MRTFB: variants seen among roughly 807,000 people sequenced by gnomAD.
MRTFB encodes the protein myocardin related transcription factor B, also known as myocardin-related transcription factor B.
Under a neutral mutation model 104.2 loss-of-function variants are expected in MRTFB, and 29 were observed. The observed-to-expected ratio is 0.28, with a 90% CI of 0.21 to 0.38. The LOEUF is 0.38. Among genes scored for constraint, MRTFB ranks in the 10% least tolerant of loss-of-function variants. MRTFB has a pLI of 1.00. For synonymous variants in MRTFB, 535 were observed against 519.5 expected (o/e 1.03, Z -0.41); for missense variants, 1,270 against 1,341.6 (o/e 0.95, Z 0.83).
intron 13 of MRTFB, among the ~76,000 whole-genome samples, chr16:14,251,246 G>A (rs142233621): frequency 0.02 from 2,979 of 151,918 alleles, 112 homozygotes; most frequent in African/African-American, 0.068. Flanking sequence ...GTGTGGTGGC[G>A]GGCGCCTGTA....
chr16:14,058,108 T>C, the MRTFB span, among the ~76,000 whole-genome samples: 1 of 152,298 alleles, frequency 6.6e-6, no homozygotes, highest in Non-Finnish European at 1.5e-5. Flanking sequence ...CTGGATGGAA[T>C]GGGCTTGGCA....
upstream of MRTFB, among the ~76,000 whole-genome samples, chr16:14,069,371 C>T (rs998982278): frequency 1.3e-5 from 2 of 152,232 alleles, no homozygotes; most frequent in African/African-American, 4.8e-5. Flanking sequence ...TTCCCTGGTT[C>T]TCGGGCCACA....
At chr16:14,074,716 A>C (rs60788707) in intron 1 of MRTFB, among the ~76,000 whole-genome samples, 1 of 152,082 alleles carries the variant, frequency 6.6e-6, no homozygotes, top group Non-Finnish European at 1.5e-5. Context: ...ATGATTAATG[A>C]TTAACACCAA....
At chr16:14,200,283 T>G in intron 3 of MRTFB, 2 of 1,569,106 alleles carry the variant, frequency 1.3e-6, no homozygotes, top group Non-Finnish European at 1.8e-6. Context: ...AGAGCTAGAT[T>G]CTGAGTTCCG....
At chr16:14,257,810 A>C (rs2043567705) in intron 15 of MRTFB, among the ~76,000 whole-genome samples, 1 of 152,198 alleles carries the variant, frequency 6.6e-6, no homozygotes. Context: ...GAATAAAGAC[A>C]CTTTTAAAAT....
At chr16:14,019,331 C>T in the MRTFB span, 1 of 152,152 alleles carries the variant, frequency 6.6e-6, no homozygotes, top group East Asian at 1.9e-4. Flanking sequence ...GGTATTACTA[C>T]TTAGCTGGTG....
At chr16:14,089,012 GA>G (rs934125691) in intron 2 of MRTFB, among the ~76,000 whole-genome samples, 2 of 152,076 alleles carry the variant, frequency 1.3e-5, no homozygotes, top group African/African-American at 4.8e-5. Flanking sequence ...TTATTGGTAG[GA>G]AAATAAATTA....
chr16:14,162,382 T>A (rs1234368908), intron 3 of MRTFB, among the ~76,000 whole-genome samples: 1 of 152,080 alleles, frequency 6.6e-6, no homozygotes, highest in Non-Finnish European at 1.5e-5. Context: ...TATATGACAT[T>A]ACTGTGTTTT....
intron 3 of MRTFB, chr16:14,148,622 G>A (rs570213004): frequency 2.6e-5 from 4 of 152,680 alleles, no homozygotes; most frequent in South Asian, 4.2e-4. Flanking sequence ...TAATCCGTAC[G>A]TTGGCTCTCC....
At chr16:14,122,361 T>G (rs2036894376) in intron 2 of MRTFB, among the ~76,000 whole-genome samples, 2 of 152,108 alleles carry the variant, frequency 1.3e-5, no homozygotes, top group African/African-American at 4.8e-5. Flanking sequence ...TATATACACG[T>G]GCCATGGTGG....
At chr16:14,160,501 T>C (rs570949306) in intron 3 of MRTFB, among the ~76,000 whole-genome samples, 97 of 152,334 alleles carry the variant, frequency 6.4e-4, no homozygotes, top group Non-Finnish European at 9.3e-4. Context: ...AATGTACTAT[T>C]TCCATTTGTA....
At chr16:14,159,005 G>C (rs1411071623) in intron 3 of MRTFB, among the ~76,000 whole-genome samples, 8 of 150,572 alleles carry the variant, frequency 5.3e-5, no homozygotes, top group African/African-American at 1.5e-4. Context: ...CTTAGGTGTT[G>C]TGACTTATGC....
intron 3 of MRTFB, chr16:14,151,686 C>T (rs1393049209): frequency 6.6e-6 from 1 of 152,148 alleles, no homozygotes; most frequent in Non-Finnish European, 1.5e-5. Flanking sequence ...CTGATGAGTG[C>T]TGAGAGGGCA....
chr16:14,200,918 T>G (rs2040673342), intron 3 of MRTFB: 1 of 1,451,624 alleles, frequency 6.9e-7, no homozygotes, highest in Non-Finnish European at 9.7e-7. Flanking sequence ...ATGGCTACTT[T>G]ATATTTTGGA....
chr16:14,251,759 T>G (rs1447764102), intron 13 of MRTFB, 103 bp from the exon 14 acceptor site: 2 of 1,253,168 alleles, frequency 1.6e-6, no homozygotes, highest in Non-Finnish European at 2.2e-6. Flanking sequence ...CTGCAGCCCT[T>G]TACAGAAAAA....
chr16:14,005,189 C>G, the MRTFB span, among the ~76,000 whole-genome samples: 2 of 152,220 alleles, frequency 1.3e-5, no homozygotes, highest in Non-Finnish European at 2.9e-5. Flanking sequence ...ATGACAGAGC[C>G]AGCTTATTTC....
chr16:14,066,118 A>G, the MRTFB span, among the ~76,000 whole-genome samples: 1 of 152,144 alleles, frequency 6.6e-6, no homozygotes, highest in Admixed American at 6.6e-5. Flanking sequence ...TGCTTAATAC[A>G]TTTTTTATTG....
At chr16:14,165,680 C>A (rs895957284) in intron 3 of MRTFB, among the ~76,000 whole-genome samples, 5 of 152,162 alleles carry the variant, frequency 3.3e-5, no homozygotes, top group Admixed American at 2.6e-4. Context: ...CAACCTTGTT[C>A]ATGTGACACC....
the MRTFB span, among the ~76,000 whole-genome samples, chr16:14,064,973 A>G: frequency 2.6e-5 from 4 of 152,130 alleles, no homozygotes; most frequent in Non-Finnish European, 5.9e-5. Flanking sequence ...ATTTTAGAAT[A>G]GTTTTTTCTA....
Sources: allele counts gnomAD v4.1 joint callset (sites outside exome capture counted in the v4.1 genomes callset), GRCh38; gene constraint gnomAD v4.1.1; transcripts MANE v1.5; gene names NCBI Gene and HGNC (gene_info 2026-07-23, HGNC 2026-07-21).